SDK1: variants seen among roughly 807,000 people sequenced by gnomAD.
SDK1 encodes sidekick cell adhesion molecule 1, also known as protein sidekick-1.
SDK1 carries 157 observed loss-of-function variants against 245.5 expected under a neutral mutation model. The observed-to-expected ratio is 0.64, with a 90% CI of 0.56 to 0.73. SDK1 has a LOEUF of 0.73. SDK1 is among the 30% of genes least tolerant of loss of function. The pLI is 0.00. For synonymous variants in SDK1, 1,647 were observed against 1,278.5 expected, an observed-to-expected ratio of 1.29 and a Z score of -6.15; for missense variants, 3,583 against 3,002.3, an observed-to-expected ratio of 1.19 and a Z score of -4.52.
At chr7:3,679,175 A>C (rs537169218) in intron 4 of SDK1, among the ~76,000 whole-genome samples, 2 of 152,232 alleles carry the variant, frequency 1.3e-5, no homozygotes, top group African/African-American at 4.8e-5. Flanking sequence ...GCTGCAAACT[A>C]GGGGAAAATA....
chr7:3,734,119 T>G (rs1020590690), intron 4 of SDK1, among the ~76,000 whole-genome samples: 3 of 152,204 alleles, frequency 2.0e-5, no homozygotes, highest in African/African-American at 7.2e-5. Flanking sequence ...CATCTCATCT[T>G]CTTCATGGCA....
At chr7:3,516,916 G>C (rs35791987) in intron 1 of SDK1, among the ~76,000 whole-genome samples, 39,031 of 151,964 alleles carry the variant, frequency 0.26, 5,224 homozygotes, top group East Asian at 0.33. Context: ...TAAGTGCCAT[G>C]TTGGGTCAGA....
intron 1 of SDK1, among the ~76,000 whole-genome samples, chr7:3,339,322 C>G (rs1435657439): frequency 1.3e-5 from 2 of 152,078 alleles, no homozygotes; most frequent in Non-Finnish European, 2.9e-5. Context: ...TTAACAAATA[C>G]TATATACATA....
At chr7:3,447,014 A>G (rs942840018) in intron 1 of SDK1, among the ~76,000 whole-genome samples, 1 of 152,160 alleles carries the variant, frequency 6.6e-6, no homozygotes, top group Non-Finnish European at 1.5e-5. Flanking sequence ...CATGATGTGC[A>G]GTGGGCTTTA....
At chr7:3,627,189 C>A (rs1025600391) in intron 2 of SDK1, among the ~76,000 whole-genome samples, 1 of 152,094 alleles carries the variant, frequency 6.6e-6, no homozygotes, top group Non-Finnish European at 1.5e-5. Context: ...TTGTCCTCCC[C>A]AAGTGCTGAG....
At chr7:3,918,427 G>A (rs933124018) in intron 5 of SDK1, among the ~76,000 whole-genome samples, 11 of 152,128 alleles carry the variant, frequency 7.2e-5, no homozygotes, top group African/African-American at 1.9e-4. Context: ...CTGTGCCCGC[G>A]AGGCATCTAG....
chr7:3,539,039 GT>G (rs1050166083), intron 1 of SDK1, among the ~76,000 whole-genome samples: 34 of 152,106 alleles, frequency 2.2e-4, no homozygotes, highest in South Asian at 1.5e-3. Flanking sequence ...AGAGTGTCTG[GT>G]TGTTGTTTGT....
At chr7:3,899,319 G>A (rs1388428229) in intron 5 of SDK1, among the ~76,000 whole-genome samples, 2 of 152,072 alleles carry the variant, frequency 1.3e-5, no homozygotes, top group African/African-American at 4.8e-5. Context: ...TTGGCTTGGA[G>A]TTCTTTCATA....
At chr7:3,983,519 G>C (rs959974840) in intron 13 of SDK1, among the ~76,000 whole-genome samples, 5 of 152,118 alleles carry the variant, frequency 3.3e-5, no homozygotes, top group African/African-American at 1.2e-4. Flanking sequence ...ATGTTTTTTA[G>C]ACATAATGCT....
At chr7:4,098,310 A>G (rs763226242) in intron 22 of SDK1, among the ~76,000 whole-genome samples, 1 of 152,222 alleles carries the variant, frequency 6.6e-6, no homozygotes, top group South Asian at 2.1e-4. Flanking sequence ...AGGTCAACGT[A>G]TATATAAATC....
intron 44 of SDK1, among the ~76,000 whole-genome samples, chr7:4,255,159 C>G (rs148550047): frequency 5.3e-5 from 8 of 152,328 alleles, no homozygotes; most frequent in African/African-American, 1.2e-4. Context: ...GTCTTTCAAA[C>G]TGCTAGCTGG....
At chr7:3,574,218 G>A (rs1259290500) in intron 1 of SDK1, among the ~76,000 whole-genome samples, 1 of 151,622 alleles carries the variant, frequency 6.6e-6, no homozygotes, top group South Asian at 2.1e-4. Context: ...CTAGATTCAA[G>A]CAATTCTCCT....
chr7:4,130,158 C>T (rs934898358), intron 27 of SDK1, 61 bp downstream of exon 27: 76 of 1,451,800 alleles, frequency 5.2e-5, no homozygotes, highest in Non-Finnish European at 3.2e-5. Context: ...CTTTCCAATG[C>T]AAACAATTTG....
chr7:3,689,002 T>G (rs1170218635), intron 4 of SDK1, among the ~76,000 whole-genome samples: 2 of 152,252 alleles, frequency 1.3e-5, no homozygotes, highest in Non-Finnish European at 2.9e-5. Flanking sequence ...TCCCACCTTC[T>G]GCTATACTTG....
chr7:3,982,699 G>C (rs1261569375), intron 13 of SDK1, among the ~76,000 whole-genome samples: 1 of 152,126 alleles, frequency 6.6e-6, no homozygotes, highest in African/African-American at 2.4e-5. Flanking sequence ...AATTAGCCGG[G>C]CTTGGTGGCG....
intron 32 of SDK1, among the ~76,000 whole-genome samples, chr7:4,163,300 C>T (rs917186649): frequency 6.6e-6 from 1 of 152,108 alleles, no homozygotes; most frequent in African/African-American, 2.4e-5. Flanking sequence ...AAGCTGTCCT[C>T]AAGGACAATG....
intron 1 of SDK1, among the ~76,000 whole-genome samples, chr7:3,598,357 C>G (rs1453999574): frequency 6.6e-6 from 1 of 152,130 alleles, no homozygotes. Flanking sequence ...CTTTCTTATT[C>G]AACTCAACAG....
rs771663070 is a variant in SDK1, at chr7:3,414,774, G to A, written c.298+112890G>A. Among the ~76,000 whole-genome samples the A allele has an allele frequency of 5.3e-5, 8 of 152,120 alleles. No individual in the cohort carries two copies. The East Asian group carries it at 7.7e-4, about 15-fold the overall frequency. On this transcript the variant is annotated intron_variant, in intron 1 of 44. Coordinates refer to ENST00000404826, the MANE Select transcript of SDK1 (RefSeq NM_152744.4). ...TCCATTCCCCCAGCCCCTGGCAACC[G>A]CTAATCTACTTGCTGTATTCTGGAC...
chr7:3,862,212 G>A (rs1346187028), intron 5 of SDK1, among the ~76,000 whole-genome samples: 2 of 152,204 alleles, frequency 1.3e-5, no homozygotes, highest in East Asian at 1.9e-4. Context: ...ACCACATGGC[G>A]GAGCTTTGGA....
Sources: gnomAD v4.1 joint callset for allele counts (sites outside exome capture counted in the v4.1 genomes callset) on GRCh38, gnomAD v4.1.1 for gene constraint, MANE v1.5 for transcripts, NCBI Gene and HGNC (gene_info 2026-07-23, HGNC 2026-07-21) for gene names.